The following UBE2D3 variants were observed in gnomAD, a reference collection of about 807,000 sequenced individuals.
The protein encoded by UBE2D3 is ubiquitin conjugating enzyme E2 D3, also known as ubiquitin-conjugating enzyme E2 D3.
A neutral mutation model predicts 22.8 loss-of-function variants in UBE2D3; 2 were observed. That is an observed-to-expected ratio of 0.09 (90% CI 0.04 to 0.28). The LOEUF (loss-of-function observed/expected upper bound fraction) is 0.28, where lower values mean the gene tolerates loss of function less well. Ranked by LOEUF, UBE2D3 falls within the 10% of genes least tolerant of loss-of-function variation. UBE2D3 has a pLI of 1.00. For missense variants in UBE2D3, 27 were observed against 182.5 expected (o/e 0.15, Z 4.91); for synonymous variants, 56 against 60.4 (o/e 0.93, Z 0.34).
intron 1 of UBE2D3, among the ~76,000 whole-genome samples, chr4:102,838,403 A>T (rs1210525720): frequency 6.6e-6 from 1 of 152,150 alleles, no homozygotes; most frequent in East Asian, 1.9e-4. Flanking sequence ...TACTTTCCCC[A>T]GGGAAATTTG....
chr4:102,847,970 T>C (rs930858094), intron 1 of UBE2D3, among the ~76,000 whole-genome samples: 7 of 152,104 alleles, frequency 4.6e-5, no homozygotes, highest in Non-Finnish European at 1.0e-4. Context: ...CGTTCCATTA[T>C]TGGAACGCTA....
intron 1 of UBE2D3, among the ~76,000 whole-genome samples, chr4:102,855,035 T>C (rs952223923): frequency 1.2e-4 from 19 of 152,170 alleles, no homozygotes; most frequent in African/African-American, 3.9e-4. Flanking sequence ...CTATAGAATA[T>C]TGGGGCATTC....
intron 1 of UBE2D3, among the ~76,000 whole-genome samples, chr4:102,858,650 T>C (rs1214678362): frequency 6.6e-6 from 1 of 151,902 alleles, no homozygotes; most frequent in Admixed American, 6.6e-5. Flanking sequence ...AAAGTAATGG[T>C]TCTGGAAAGA....
chr4:102,835,022 G>A (rs1731315176), intron 1 of UBE2D3, among the ~76,000 whole-genome samples: 1 of 152,104 alleles, frequency 6.6e-6, no homozygotes. Flanking sequence ...ATACCCTGAT[G>A]GCTCTGTGGG....
chr4:102,832,228 T>G (rs984860959), upstream of UBE2D3, among the ~76,000 whole-genome samples: 7 of 152,158 alleles, frequency 4.6e-5, no homozygotes, highest in African/African-American at 1.7e-4. Flanking sequence ...GGAAACAGCA[T>G]GCAAAGTCTC....
chr4:102,810,033 A>G, intron 2 of UBE2D3, 178 bp from the exon 3 acceptor site: 1 of 600,348 alleles, frequency 1.7e-6, no homozygotes, highest in Non-Finnish European at 2.9e-6. Flanking sequence ...TGAGACAATC[A>G]TCTTAGCTAG....
At chr4:102,827,372 C>G in intron 1 of UBE2D3, 55 bp downstream of exon 1, 1 of 985,880 alleles carries the variant, frequency 1.0e-6, no homozygotes, top group Non-Finnish European at 1.2e-6. Flanking sequence ...TCTTACCCGG[C>G]CGGCCACTGG....
rs1377309909 is a variant in UBE2D3, at chr4:102,796,598, T to C, written c.*817A>G. ...TCCAGGCAGCTAACTCATTGGTTTA[T>C]GCAACTTTATTGAAGAAAAATAAAT... On this transcript the variant is annotated 3_prime_UTR_variant, in exon 8 of 8. Coordinates refer to ENST00000453744, the MANE Select transcript of UBE2D3 (RefSeq NM_181891.3). 1 of 152,486 alleles carries C rather than the reference T, an allele frequency of 6.6e-6. No individual in the cohort carries two copies. The highest frequency in any genetic ancestry group is 2.4e-5 in the African/African-American group (1 of 41,444). The allele number at this position is 152,486 out of a possible 1,614,324, so 9.4% of individuals were successfully genotyped here.
intron 1 of UBE2D3, among the ~76,000 whole-genome samples, chr4:102,860,400 T>TC (rs1732832517): frequency 1.4e-5 from 2 of 140,602 alleles, no homozygotes; most frequent in African/African-American, 5.5e-5. Flanking sequence ...TGTCATGTTT[T>TC]CCTGGTGTGT....
chr4:102,809,726 G>A (rs1727656760), intron 3 of UBE2D3, 23 bp from the exon 4 acceptor site: 2 of 1,612,412 alleles, frequency 1.2e-6, no homozygotes, highest in Non-Finnish European at 8.5e-7. Context: ...AAAAAACTCT[G>A]GTTATCTAAA....
chr4:102,797,117 G>A lies in UBE2D3; in HGVS notation c.*298C>T, dbSNP rs865793430. 1.2e-5 allele frequency: 3 copies of A among 259,140 alleles called. No individual in the cohort carries two copies. The highest frequency in any genetic ancestry group is 1.2e-3 in the Middle Eastern group (1 of 834). The allele number at this position is 259,140 out of a possible 1,614,324, so 16.1% of individuals were successfully genotyped here. On this transcript the variant is annotated 3_prime_UTR_variant, in exon 8 of 8. Coordinates refer to ENST00000453744, the MANE Select transcript of UBE2D3 (RefSeq NM_181891.3). Reference sequence around the variant, plus strand: ...GTTTTAGTCTCATAACCAAGTTAGAGTGAAGACATTGGCCACATAATACAC... The same window carrying A: ...GTTTTAGTCTCATAACCAAGTTAGAATGAAGACATTGGCCACATAATACAC...
rs3836566 is a variant in UBE2D3, at chr4:102,823,506, AAACTT to A, written c.24+2974_24+2978del. On this transcript the variant is annotated intron_variant, in intron 2 of 7. Transcript: ENST00000453744. ...CTTCCAGAAATAAAAACCCTTACGA[AAACTT>A]AACAGGGTGTATACAATGAAAACAT... Among the ~76,000 whole-genome samples the A allele has an allele frequency of 3.3e-5, 5 of 152,240 alleles. No individual in the cohort carries two copies. The East Asian group carries it at 9.6e-4, about 29-fold the overall frequency.
chr4:102,815,644 A>C (rs1289070941), intron 2 of UBE2D3, among the ~76,000 whole-genome samples: 2 of 152,202 alleles, frequency 1.3e-5, no homozygotes, highest in Non-Finnish European at 2.9e-5. Context: ...GTATAATTTC[A>C]GCTAGTTAAC....
chr4:102,826,444 C>T, intron 2 of UBE2D3, 41 bp downstream of exon 2: 2 of 1,613,214 alleles, frequency 1.2e-6, no homozygotes, highest in South Asian at 1.1e-5. Flanking sequence ...CCGAGCCTTC[C>T]TTTTCTCCTA....
At chr4:102,838,807 CAAAAAAAAAAA>C (rs145975514) in intron 1 of UBE2D3, among the ~76,000 whole-genome samples, 8 of 54,312 alleles carry the variant, frequency 1.5e-4, no homozygotes, top group African/African-American at 2.9e-4. Flanking sequence ...CTGTGCTGGG[CAAAAAAAAAAA>C]AAAAAAAAAA....
chr4:102,804,346 G>C lies in UBE2D3; in HGVS notation c.121-1708C>G, dbSNP rs567515382. 2.4e-3 allele frequency among the ~76,000 whole-genome samples: 365 copies of C among 152,040 alleles called. 2 individuals carry two copies. Among genetic ancestry groups the C allele is most frequent in the African/African-American group, 8.4e-3 (347 of 41,472 alleles). On this transcript the variant is annotated intron_variant, in intron 4 of 7. Transcript: ENST00000453744. Reference sequence around the variant, plus strand: ...CCCAGCTAATTTTTTATTTTTAGTAGAGATGGGGCTTCACCATGTTGGCTG... The same window carrying C: ...CCCAGCTAATTTTTTATTTTTAGTACAGATGGGGCTTCACCATGTTGGCTG...
rs1419667245 is a variant in UBE2D3 at position 102,794,544 on chromosome 4, AAC to A, written c.*2869_*2870del. ...CTTAAAAGTGTAATCAACAATCATT[AAC>A]AGTTTTGTTATGCCAACACAAAACA... On this transcript the variant is annotated 3_prime_UTR_variant, in exon 8 of 8. Transcript: ENST00000453744. 6 of 152,220 alleles carry A rather than the reference AAC, an allele frequency of 3.9e-5. No individual in the cohort carries two copies. Among genetic ancestry groups the A allele is most frequent in the Non-Finnish European group, 8.8e-5 (6 of 67,960 alleles). 9.4% of individuals were successfully genotyped at this position (152,220 alleles called of 1,614,324 possible).
chr4:102,801,349 ATC>A, intron 6 of UBE2D3, 103 bp downstream of exon 6: 1 of 927,960 alleles, frequency 1.1e-6, no homozygotes, highest in South Asian at 1.6e-5. Flanking sequence ...TTGCTTCCCC[ATC>A]TCTTACCAAA....
At chr4:102,822,673 C>T (rs1341951698) in intron 2 of UBE2D3, among the ~76,000 whole-genome samples, 3 of 152,158 alleles carry the variant, frequency 2.0e-5, no homozygotes, top group Admixed American at 6.5e-5. Context: ...TGGTGGCTCA[C>T]GCCTGTAATC....
Sources: gnomAD v4.1 joint callset for allele counts (sites outside exome capture counted in the v4.1 genomes callset) on GRCh38, gnomAD v4.1.1 for gene constraint, MANE v1.5 for transcripts, NCBI Gene and HGNC (gene_info 2026-07-23, HGNC 2026-07-21) for gene names.